Variants in PRKD1 observed in about 807,000 individuals in gnomAD.
PRKD1 encodes serine/threonine-protein kinase D1.
A neutral mutation model predicts 95.9 loss-of-function variants in PRKD1; 63 were observed. That is an observed-to-expected ratio of 0.66 (90% CI 0.54 to 0.81). The LOEUF (loss-of-function observed/expected upper bound fraction) is 0.81. Ranked by LOEUF, PRKD1 falls within the 30% of genes least tolerant of loss-of-function variation. The pLI is 0.00. For missense variants in PRKD1, 1,048 were observed against 1,165.3 expected (o/e 0.90, Z 1.47); for synonymous variants, 425 against 423.1 (o/e 1.00, Z -0.05).
chr14:29,734,253 G>T (rs2139417980), intron 1 of PRKD1, among the ~76,000 whole-genome samples: 1 of 151,934 alleles, frequency 6.6e-6, no homozygotes, highest in Middle Eastern at 3.4e-3. Flanking sequence ...TATTGGCCAG[G>T]CTGGTCTCAA....
intron 2 of PRKD1, among the ~76,000 whole-genome samples, chr14:29,692,993 C>T (rs1224588497): frequency 1.3e-5 from 2 of 152,194 alleles, no homozygotes; most frequent in Non-Finnish European, 2.9e-5. Context: ...ATGGCCTTGA[C>T]ATTTCCTAAA....
Position 29,638,831 on chromosome 14 carries a change from ATTGG to A in PRKD1, c.766_769del (p.Pro256PhefsTer7). On this transcript the variant is annotated frameshift_variant, in exon 5 of 18. Coordinates refer to ENST00000331968, the MANE Select transcript of PRKD1 (RefSeq NM_002742.3). LOFTEE classifies it high-confidence loss of function. ...AGACATCAAAATCTTGTCAAGGTGA[ATTGG>A]TCGTCCAATGTATGATTGAGAATTT... 1 of 1,370,458 alleles carries A rather than the reference ATTGG, an allele frequency of 7.3e-7. No individual in the cohort carries two copies. The highest frequency in any genetic ancestry group is 9.8e-7 in the Non-Finnish European group (1 of 1,019,620). The allele number at this position is 1,370,458 out of a possible 1,614,324, so 84.9% of individuals were successfully genotyped here.
chr14:29,776,640 T>G (rs1178026248), intron 1 of PRKD1, among the ~76,000 whole-genome samples: 1 of 152,106 alleles, frequency 6.6e-6, no homozygotes, highest in Non-Finnish European at 1.5e-5. Context: ...AATATGGAAC[T>G]ATGTGAAAAG....
Position 29,737,852 on chromosome 14 carries a change from A to T in PRKD1, c.265-12178T>A, listed in dbSNP as rs547242789. 1.2e-3 allele frequency among the ~76,000 whole-genome samples: 187 copies of T among 152,322 alleles called. 3 individuals carry two copies. The South Asian group carries it at 0.023, about 19-fold the overall frequency. On this transcript the variant is annotated intron_variant, in intron 1 of 17. Coordinates refer to ENST00000331968, the MANE Select transcript of PRKD1 (RefSeq NM_002742.3). ...TTGTATTATTAACTTCTGCCCAGGA[A>T]ATAAAACCATCCCCTTTTTAATCAC...
Position 29,650,937 on chromosome 14 carries a change from G to T in PRKD1, c.697-12033C>A, listed in dbSNP as rs573475965. Among the ~76,000 whole-genome samples, 362 of 152,086 alleles carry T rather than the reference G, an allele frequency of 2.4e-3. 2 individuals are homozygous for T. The highest frequency in any genetic ancestry group is 3.2e-3 in the Non-Finnish European group (217 of 67,976). Reference sequence around the variant, plus strand: ...TTCTTTTCTAACTTTTACTTCAAGGGGTTCACCAATGCCTATTACAGCTAA... The same window carrying T: ...TTCTTTTCTAACTTTTACTTCAAGGTGTTCACCAATGCCTATTACAGCTAA... On this transcript the variant is annotated intron_variant, in intron 4 of 17. Coordinates refer to ENST00000331968, the MANE Select transcript of PRKD1 (RefSeq NM_002742.3).
chr14:29,767,488 A>C (rs1248702920), intron 1 of PRKD1, among the ~76,000 whole-genome samples: 3 of 152,148 alleles, frequency 2.0e-5, no homozygotes, highest in Admixed American at 2.0e-4. Context: ...CTGGTCTCTC[A>C]TATATACATC....
At chr14:29,784,570 A>G (rs910968738) in intron 1 of PRKD1, among the ~76,000 whole-genome samples, 2 of 152,096 alleles carry the variant, frequency 1.3e-5, no homozygotes, top group African/African-American at 4.8e-5. Context: ...AATTACTTTC[A>G]AAAGGGTTTT....
intron 13 of PRKD1, among the ~76,000 whole-genome samples, chr14:29,618,899 A>T (rs1401825168): frequency 1.3e-5 from 2 of 152,274 alleles, no homozygotes; most frequent in Non-Finnish European, 2.9e-5. Context: ...ATTTGATCTG[A>T]GGACCTAGCA....
chr14:29,699,335 G>A (rs1884706596), intron 2 of PRKD1, among the ~76,000 whole-genome samples: 2 of 152,048 alleles, frequency 1.3e-5, no homozygotes, highest in Admixed American at 1.3e-4. Context: ...TCCAATACTG[G>A]GCTTTTAATT....
chr14:29,630,641 CT>C, intron 10 of PRKD1, 100 bp downstream of exon 10: 1 of 1,465,934 alleles, frequency 6.8e-7, no homozygotes, highest in Non-Finnish European at 9.4e-7. Flanking sequence ...CCCAAGAAGT[CT>C]TTCTTCATTC....
chr14:29,605,685 A>T (rs1024652214), intron 13 of PRKD1, among the ~76,000 whole-genome samples: 1 of 152,184 alleles, frequency 6.6e-6, no homozygotes, highest in Non-Finnish European at 1.5e-5. Context: ...ATCATTTTGT[A>T]TTCCCAGTCA....
At chr14:29,629,461 G>T (rs1211748907) in intron 10 of PRKD1, among the ~76,000 whole-genome samples, 1 of 152,042 alleles carries the variant, frequency 6.6e-6, no homozygotes, top group Non-Finnish European at 1.5e-5. Context: ...GTTGGAATTC[G>T]ATTAGGCATT....
intron 4 of PRKD1, among the ~76,000 whole-genome samples, chr14:29,662,003 GTTAT>G (rs1282696486): frequency 6.6e-6 from 1 of 151,970 alleles, no homozygotes; most frequent in East Asian, 1.9e-4. Context: ...TAATTTAGTG[GTTAT>G]TTAATTTGGT....
chr14:29,675,433 A>G (rs966026065), intron 2 of PRKD1, among the ~76,000 whole-genome samples: 1 of 152,118 alleles, frequency 6.6e-6, no homozygotes, highest in African/African-American at 2.4e-5. Context: ...GACAACCACT[A>G]ATTTATTTTC....
At chr14:29,680,275 T>C (rs1226329904) in intron 2 of PRKD1, among the ~76,000 whole-genome samples, 3 of 152,196 alleles carry the variant, frequency 2.0e-5, no homozygotes, top group Non-Finnish European at 4.4e-5. Context: ...GTAAAGGACA[T>C]ACCATTATCT....
chr14:29,897,679 G>C (rs956972858), intron 1 of PRKD1, among the ~76,000 whole-genome samples: 1 of 152,134 alleles, frequency 6.6e-6, no homozygotes, highest in African/African-American at 2.4e-5. Context: ...TGGGTACTTG[G>C]TAGGTGCCTA....
chr14:29,865,587 T>C (rs2139367466), intron 1 of PRKD1, among the ~76,000 whole-genome samples: 1 of 152,300 alleles, frequency 6.6e-6, no homozygotes, highest in Non-Finnish European at 1.5e-5. Context: ...ATTTCCATCT[T>C]CTGTCATGGG....
At chr14:29,637,041 T>C (rs1423245614) in intron 6 of PRKD1, among the ~76,000 whole-genome samples, 2 of 152,132 alleles carry the variant, frequency 1.3e-5, no homozygotes, top group East Asian at 1.9e-4. Flanking sequence ...CCTGAAAACA[T>C]GAAAAGTCAT....
At position 29,820,731 on chromosome 14, in the gene PRKD1, C is replaced by A. The variant is rs556908997; in HGVS notation, c.265-95057G>T. Among the ~76,000 whole-genome samples, 11 of 152,182 alleles carry A rather than the reference C, an allele frequency of 7.2e-5. No homozygotes were observed. The East Asian group carries it at 2.1e-3, about 29-fold the overall frequency. ...TATAACACGCTAAGGAACCACAAGACAATCCTGTGGAGGGAATAGTAGAAT... is the reference window on the plus strand; with the variant it reads ...TATAACACGCTAAGGAACCACAAGAAAATCCTGTGGAGGGAATAGTAGAAT... On this transcript the variant is annotated intron_variant, in intron 1 of 17. Transcript: ENST00000331968.
Sources: allele counts gnomAD v4.1 joint callset (sites outside exome capture counted in the v4.1 genomes callset), GRCh38; gene constraint gnomAD v4.1.1; transcripts MANE v1.5; gene names NCBI Gene and HGNC (gene_info 2026-07-23, HGNC 2026-07-21).